Variants in ANKRD30B observed in about 807,000 individuals in gnomAD.
The protein encoded by ANKRD30B is ankyrin repeat domain 30B.
ANKRD30B carries 144 observed loss-of-function variants against 202.2 expected under a neutral mutation model. That is an observed-to-expected ratio of 0.71 (90% CI 0.62 to 0.82). The LOEUF is 0.82. ANKRD30B is among the 40% of genes least tolerant of loss of function. The pLI, the probability that ANKRD30B is intolerant of heterozygous loss-of-function variation, is 0.00. For missense variants in ANKRD30B, 1,487 were observed against 1,669.1 expected (o/e 0.89, Z 1.90); for synonymous variants, 508 against 561.3 (o/e 0.91, Z 1.34).
intron 40 of ANKRD30B, 133 bp from the exon 41 acceptor site, chr18:14,850,081 C>T: frequency 3.1e-6 from 2 of 648,232 alleles, no homozygotes; most frequent in South Asian, 7.2e-5. Context: ...TACCAGAGAA[C>T]TAGAAAGAAA....
rs1274335699 is a variant in ANKRD30B at position 14,797,860 on chromosome 18, T to C, written c.2029+6T>C. On this transcript the variant is annotated splice_donor_region_variant and intron_variant, in intron 20 of 43. Coordinates refer to ENST00000690538, the MANE Select transcript of ANKRD30B (RefSeq NM_001367607.2). ...CAGAGAAACACTCAAAGCAGGTACATTTTGTAATTTAAATTTTAATCTGGA... is the reference window on the plus strand; with the variant it reads ...CAGAGAAACACTCAAAGCAGGTACACTTTGTAATTTAAATTTTAATCTGGA... The C allele has an allele frequency of 1.3e-5, 20 of 1,540,950 alleles. No homozygotes were observed. The highest frequency in any genetic ancestry group is 2.5e-5 in the East Asian group (1 of 40,804).
chr18:14,867,200 G>A, the ANKRD30B span, among the ~76,000 whole-genome samples: 1 of 151,156 alleles, frequency 6.6e-6, no homozygotes, highest in Admixed American at 6.6e-5. Flanking sequence ...GATGGGTTGT[G>A]GACACTATCG....
chr18:14,860,385 G>T, the ANKRD30B span, among the ~76,000 whole-genome samples: 1 of 111,420 alleles, frequency 9.0e-6, no homozygotes, highest in Non-Finnish European at 1.9e-5. Flanking sequence ...TTCCCAGAGG[G>T]GGTGGCCGGG....
rs1598720020 is a variant in ANKRD30B, at chr18:14,848,772, G to T, written c.3238G>T (p.Glu1080Ter). The change falls in exon 40 of 44, where the codon GAA becomes TAA. Residue 1080 changes from glutamate (E) to a stop codon, truncating the protein, a stop_gained. Coordinates refer to ENST00000690538, the MANE Select transcript of ANKRD30B (RefSeq NM_001367607.2). LOFTEE classifies it high-confidence loss of function. The part of the protein sequence containing the change: ...DALPSCERGR[E>*]LKKDNCEQIT... ...ACTTCCTTCTTGTGAAAGAGGAAGG[G>T]AACTTAAAAAAGATAACTGTGAACA... The T allele has an allele frequency of 3.2e-6, 5 of 1,571,148 alleles. No homozygotes were observed. Among genetic ancestry groups the T allele is most frequent in the Non-Finnish European group, 4.3e-6 (5 of 1,157,010 alleles).
At chr18:14,932,799 C>G in the ANKRD30B span, among the ~76,000 whole-genome samples, 5 of 152,210 alleles carry the variant, frequency 3.3e-5, no homozygotes, top group Non-Finnish European at 2.9e-5. Flanking sequence ...GCCCTCTTCT[C>G]TCTTAAGTGC....
chr18:14,821,343 T>C lies in ANKRD30B; in HGVS notation c.2642-1140T>C, dbSNP rs1357485696. 3.3e-5 allele frequency among the ~76,000 whole-genome samples: 5 copies of C among 152,184 alleles called. No individual in the cohort carries two copies. In the East Asian group the frequency reaches 5.8e-4, roughly 18 times the overall value. ...CTGGATTCATTAATTTTTTGAACGGTTTTTTGTGTCTCTATTTCCTTCAGT... is the reference window on the plus strand; with the variant it reads ...CTGGATTCATTAATTTTTTGAACGGCTTTTTGTGTCTCTATTTCCTTCAGT... On this transcript the variant is annotated intron_variant, in intron 30 of 43. Transcript: ENST00000690538.
At chr18:14,871,643 A>C in the ANKRD30B span, among the ~76,000 whole-genome samples, 3 of 152,010 alleles carry the variant, frequency 2.0e-5, no homozygotes, top group Non-Finnish European at 4.4e-5. Context: ...TGTAAATCCT[A>C]GCACCTGGGG....
the ANKRD30B span, among the ~76,000 whole-genome samples, chr18:14,906,345 T>C: frequency 6.6e-4 from 100 of 152,274 alleles, 1 homozygote; most frequent in East Asian, 0.018. Flanking sequence ...AATCTTATAA[T>C]AAAAATCTAT....
chr18:14,819,860 C>A (rs1469471581), intron 30 of ANKRD30B, among the ~76,000 whole-genome samples: 7 of 152,046 alleles, frequency 4.6e-5, no homozygotes, highest in African/African-American at 1.4e-4. Flanking sequence ...ATTTTTGGTT[C>A]CATATGAACT....
At chr18:14,867,020 G>A in the ANKRD30B span, among the ~76,000 whole-genome samples, 1 of 150,532 alleles carries the variant, frequency 6.6e-6, no homozygotes, top group Non-Finnish European at 1.5e-5. Flanking sequence ...CATTGTCCGT[G>A]GGGGAAAGGG....
intron 20 of ANKRD30B, among the ~76,000 whole-genome samples, chr18:14,798,743 T>C (rs12607246): frequency 1.3e-5 from 2 of 151,958 alleles, no homozygotes; most frequent in Admixed American, 6.5e-5. Context: ...CTTGGTGATG[T>C]GAAACCTCCC....
the ANKRD30B span, among the ~76,000 whole-genome samples, chr18:14,869,546 A>G: frequency 6.6e-6 from 1 of 152,204 alleles, no homozygotes; most frequent in African/African-American, 2.4e-5. Context: ...AGATGACCAT[A>G]ATAAATTATT....
At chr18:14,876,144 G>A in the ANKRD30B span, among the ~76,000 whole-genome samples, 1 of 146,020 alleles carries the variant, frequency 6.8e-6, no homozygotes, top group Non-Finnish European at 1.5e-5. Context: ...AGAGTAAGAT[G>A]TGGGGGAGAC....
At chr18:14,835,128 A>T (rs1971116935) in intron 34 of ANKRD30B, among the ~76,000 whole-genome samples, 1 of 151,904 alleles carries the variant, frequency 6.6e-6, no homozygotes, top group Admixed American at 6.5e-5. Flanking sequence ...TTAAAATTAA[A>T]GTTTCTGATC....
chr18:14,837,875 G>A (rs541735166), intron 36 of ANKRD30B, among the ~76,000 whole-genome samples, 199 bp downstream of exon 36: 5 of 152,216 alleles, frequency 3.3e-5, no homozygotes, highest in African/African-American at 1.2e-4. Context: ...ATTTAGCTGG[G>A]CATGGTGGCG....
intron 1 of ANKRD30B, among the ~76,000 whole-genome samples, chr18:14,749,786 A>C (rs1913132137): frequency 1.3e-5 from 2 of 151,952 alleles, no homozygotes; most frequent in Admixed American, 6.6e-5. Flanking sequence ...AACATATGTA[A>C]GAATTTAGAA....
chr18:14,766,480 AAAAAAAAAAAAAAAAAAG>A (rs1252543175), intron 7 of ANKRD30B, among the ~76,000 whole-genome samples: 1 of 145,064 alleles, frequency 6.9e-6, no homozygotes, highest in African/African-American at 2.5e-5. Context: ...CTCAAAAAAA[AAAAAAAAAAAAAAAAAAG>A]AAAAGAAAAG....
At chr18:14,786,929 C>G (rs1323877959) in intron 14 of ANKRD30B, 110 bp from the exon 15 acceptor site, 13 of 1,090,032 alleles carry the variant, frequency 1.2e-5, no homozygotes, top group Admixed American at 2.7e-5. Context: ...AATATACAGG[C>G]TACAGAGGAA....
intron 40 of ANKRD30B, among the ~76,000 whole-genome samples, chr18:14,849,316 T>C (rs1342432767): frequency 6.6e-6 from 1 of 151,202 alleles, no homozygotes; most frequent in African/African-American, 2.4e-5. Context: ...AGTTAAATTA[T>C]AGGAATTTTT....
Sources: allele counts gnomAD v4.1 joint callset (sites outside exome capture counted in the v4.1 genomes callset), GRCh38; gene constraint gnomAD v4.1.1; transcripts MANE v1.5; gene names NCBI Gene and HGNC (gene_info 2026-07-23, HGNC 2026-07-21).